PPM1M: variants seen among roughly 807,000 people sequenced by gnomAD.
PPM1M encodes protein phosphatase 1M.
In PPM1M, 44 loss-of-function variants were observed where a neutral mutation model predicts 50.8. The observed-to-expected ratio is 0.87, with a 90% CI of 0.68 to 1.11. The LOEUF (loss-of-function observed/expected upper bound fraction) is 1.11, where lower values mean the gene tolerates loss of function less well. PPM1M is among the 50% of genes most tolerant of loss of function. The pLI, the probability that PPM1M is intolerant of heterozygous loss-of-function variation, is 0.00. For synonymous variants in PPM1M, 224 were observed against 242.9 expected, an observed-to-expected ratio of 0.92 and a Z score of 0.72; for missense variants, 556 against 593.4, an observed-to-expected ratio of 0.94 and a Z score of 0.66.
At position 52,250,326 on chromosome 3, in the gene PPM1M, C is replaced by T. The variant is rs1559449646; in HGVS notation, c.*512C>T. On this transcript the variant is annotated 3_prime_UTR_variant, in exon 10 of 10. Transcript: ENST00000323588. ...TAAAACAGCCATCTTCAAGACAGCC[C>T]CTGAAAAGAGACCAGTTCAGGTCCT... is the stretch of plus-strand genomic sequence containing the variant. 2 of 161,426 alleles carry T rather than the reference C, an allele frequency of 1.2e-5. No homozygotes were observed. The highest frequency in any genetic ancestry group is 3.3e-4 in the South Asian group (2 of 6,002). The allele number at this position is 161,426 out of a possible 1,614,324, so 10.0% of individuals were successfully genotyped here.
rs148787366 is a variant in PPM1M at position 52,249,339 on chromosome 3, G to T, written c.1235+17G>T. ...CCCACACAGGTACTGTAGCTGCTGG[G>T]GACCTGCCTGGGCCTGGGTTGGTGC... On this transcript the variant is annotated intron_variant, in intron 9 of 9. Transcript: ENST00000323588. The T allele has an allele frequency of 6.3e-7, 1 of 1,579,538 alleles. No individual in the cohort carries two copies. The highest frequency in any genetic ancestry group is 1.2e-5 in the South Asian group (1 of 86,872).
chr3:52,248,071 T>G (rs1699891770), intron 4 of PPM1M, 82 bp from the exon 5 acceptor site: 3 of 1,192,768 alleles, frequency 2.5e-6, no homozygotes, highest in Non-Finnish European at 2.4e-6. Flanking sequence ...TCCTGGTGGT[T>G]GGAGGAGGGA....
rs1308443728 is a variant in PPM1M, at chr3:52,249,804, GTGACCAC to G, written c.1374_1380del (p.Asp458GlufsTer34). The G allele has an allele frequency of 6.2e-7, 1 of 1,613,074 alleles. No homozygotes were observed. The highest frequency in any genetic ancestry group is 1.3e-5 in the African/African-American group (1 of 75,024). On this transcript the variant is annotated frameshift_variant, in exon 10 of 10. Coordinates refer to ENST00000323588, the MANE Select transcript of PPM1M (RefSeq NM_144641.4). LOFTEE classifies it high-confidence loss of function. The stretch of plus-strand genomic sequence containing the variant: ...TTGCACAGTCAGGGCCAAGAGAGCA[GTGACCAC>G]TGAGGATTCAGACACTGTATCCCAG...
In PPM1M at chr3:52,245,957, G is replaced by A. The variant is rs747199058; in HGVS notation, c.133G>A (p.Gly45Arg). ...RFLRGSSSSP[G>R]AADASRRPDS... is the part of the protein sequence containing the mutation. ...CCTTCGCGGCTCCAGCTCCAGCCCC[G>A]GGGCGGCCGACGCCTCGCGCCGCCC... The change falls in exon 1 of 10, where the codon GGG becomes AGG. Residue 45 changes from glycine (G) to arginine (R), a missense_variant. Coordinates refer to ENST00000323588, the MANE Select transcript of PPM1M (RefSeq NM_144641.4). The surrounding 1 kb of genome is among the most constrained non-coding windows in gnomAD (Gnocchi z 4.8). The A allele has an allele frequency of 2.4e-6, 3 of 1,247,686 alleles. No homozygotes were observed. Among genetic ancestry groups the A allele is most frequent in the South Asian group, 1.3e-5 (1 of 76,124 alleles). 77.3% of individuals were successfully genotyped at this position (1,247,686 alleles called of 1,614,324 possible). A position where few individuals can be genotyped will look rare whatever the true frequency, so the allele number is the denominator to read the frequency against.
intron 6 of PPM1M, 50 bp downstream of exon 6, chr3:52,248,503 C>T: frequency 6.3e-7 from 1 of 1,596,158 alleles, no homozygotes; most frequent in African/African-American, 1.3e-5. Flanking sequence ...GGGATCCAGG[C>T]CCAGCCGTAT....
At position 52,250,298 on chromosome 3, in the gene PPM1M, T is replaced by C. The variant is rs1182309257; in HGVS notation, c.*484T>C. On this transcript the variant is annotated 3_prime_UTR_variant, in exon 10 of 10. Transcript: ENST00000323588. Reference sequence around the variant, plus strand: ...AGAAACCTTTGGGCAGCCTCATGTCTGCTAAAACAGCCATCTTCAAGACAG... The same window carrying C: ...AGAAACCTTTGGGCAGCCTCATGTCCGCTAAAACAGCCATCTTCAAGACAG... The C allele has an allele frequency of 6.1e-6, 1 of 163,806 alleles. No individual in the cohort carries two copies. Among genetic ancestry groups the C allele is most frequent in the Non-Finnish European group, 1.4e-5 (1 of 73,516 alleles). 10.1% of individuals were successfully genotyped at this position (163,806 alleles called of 1,614,324 possible).
In PPM1M at chr3:52,246,779, T is replaced by G. The variant is rs976204638; in HGVS notation, c.309T>G (p.Ala103=). The change falls in exon 2 of 10, where the codon GCT becomes GCG. Residue 103 remains alanine (A), a synonymous_variant. Coordinates refer to ENST00000323588, the MANE Select transcript of PPM1M (RefSeq NM_144641.4). ...GCATCCGGAGATGTGAGTTTGGGGC[T>G]GAAGAAGAGTGGCTGACCCTGTGCC... ...KLCIRRCEFG[A]EEEWLTLCPE... 2.2e-6 allele frequency: 3 copies of G among 1,363,338 alleles called. No individual in the cohort carries two copies. The highest frequency in any genetic ancestry group is 2.9e-6 in the Non-Finnish European group (3 of 1,027,878). The allele number at this position is 1,363,338 out of a possible 1,614,324, so 84.5% of individuals were successfully genotyped here.
At chr3:52,249,102 C>T (rs1699916727) in intron 8 of PPM1M, 39 bp downstream of exon 8, 1 of 1,608,680 alleles carries the variant, frequency 6.2e-7, no homozygotes, top group African/African-American at 1.3e-5. Flanking sequence ...TTCCATCTGC[C>T]CAGAAAGGCA....
rs1171943302 is a variant in PPM1M at position 52,247,671 on chromosome 3, GTT to G, written c.598-8_598-7del. The G allele has an allele frequency of 1.3e-6, 2 of 1,579,174 alleles. No individual in the cohort carries two copies. Among genetic ancestry groups the G allele is most frequent in the Non-Finnish European group, 1.7e-6 (2 of 1,158,950 alleles). Reference sequence around the variant, plus strand: ...ACAGGCAGCAGCTAAGGTGGCCTCGGTTTTCCCCAGGATGAGGTGATCGGGCG... The same window carrying G: ...ACAGGCAGCAGCTAAGGTGGCCTCGGTTCCCCAGGATGAGGTGATCGGGCG... On this transcript the variant is annotated splice_polypyrimidine_tract_variant and intron_variant, in intron 3 of 9. Transcript: ENST00000323588.
Position 52,248,359 on chromosome 3 carries a change from G to A in PPM1M, c.820G>A (p.Ala274Thr), listed in dbSNP as rs1282654449. 2 of 1,613,280 alleles carry A rather than the reference G, an allele frequency of 1.2e-6. No individual in the cohort carries two copies. The highest frequency in any genetic ancestry group is 2.2e-5 in the South Asian group (2 of 90,956). Reference sequence around the variant, plus strand: ...GGCCTTTGTCTATCCTGAGCTTCTGGCTGGTGAGTTCACCCGACTGGAGTT... The same window carrying A: ...GGCCTTTGTCTATCCTGAGCTTCTGACTGGTGAGTTCACCCGACTGGAGTT... ...QLAFVYPELL[A>T]GEFTRLEFPR... The change falls in exon 6 of 10, where the codon GCT becomes ACT. Residue 274 changes from alanine (A) to threonine (T), a missense_variant. By Grantham distance (58) the Ala-to-Thr change is moderately conservative. Coordinates refer to ENST00000323588, the MANE Select transcript of PPM1M (RefSeq NM_144641.4).
At position 52,248,960 on chromosome 3, in the gene PPM1M, G is replaced by T. The variant is rs562217803; in HGVS notation, c.983G>T (p.Arg328Leu). The T allele has an allele frequency of 6.2e-7, 1 of 1,603,880 alleles. No homozygotes were observed. The highest frequency in any genetic ancestry group is 8.5e-7 in the Non-Finnish European group (1 of 1,175,092). ...PLIHGQGRQARLLGTLAVSRG... is the reference protein window; with the variant it reads ...PLIHGQGRQALLLGTLAVSRG... Reference sequence around the variant, plus strand: ...TCACACCTCACTTTCCCTCAGGCTCGGTTACTAGGAACACTGGCTGTCTCC... The same window carrying T: ...TCACACCTCACTTTCCCTCAGGCTCTGTTACTAGGAACACTGGCTGTCTCC... The change falls in exon 8 of 10, where the codon CGG (arginine) becomes CTG (leucine). Residue 328 changes from arginine to leucine, a missense_variant. By Grantham distance (102) the Arg-to-Leu change is moderately radical (BLOSUM62 -2). Coordinates refer to ENST00000323588, the MANE Select transcript of PPM1M (RefSeq NM_144641.4).
chr3:52,246,212 G>C, intron 1 of PPM1M, 164 bp downstream of exon 1: 1 of 1,009,512 alleles, frequency 9.9e-7, no homozygotes, highest in Non-Finnish European at 1.2e-6. Context: ...CGGTCATCCC[G>C]ACCCAGCGTT....
At position 52,250,124 on chromosome 3, in the gene PPM1M, G is replaced by A; in HGVS notation, c.*310G>A. On this transcript the variant is annotated 3_prime_UTR_variant, in exon 10 of 10. Transcript: ENST00000323588. ...CAGACAGGATCTTGAACAGCCCAAAGTATCATTCTCAGATAGGGGCACCCA... is the reference window on the plus strand; with the variant it reads ...CAGACAGGATCTTGAACAGCCCAAAATATCATTCTCAGATAGGGGCACCCA... 1 of 297,770 alleles carries A rather than the reference G, an allele frequency of 3.4e-6. No homozygotes were observed. The highest frequency in any genetic ancestry group is 5.4e-5 in the East Asian group (1 of 18,404). 18.4% of individuals were successfully genotyped at this position (297,770 alleles called of 1,614,324 possible). A position where few individuals can be genotyped will look rare whatever the true frequency, so the allele number is the denominator to read the frequency against.
intron 3 of PPM1M, 188 bp from the exon 4 acceptor site, chr3:52,247,494 C>G (rs1317328535): frequency 2.3e-5 from 15 of 660,112 alleles, no homozygotes; most frequent in Non-Finnish European, 2.9e-5. Context: ...GTTTCTCTTC[C>G]TATTTTGAGT....
At position 52,250,251 on chromosome 3, in the gene PPM1M, A is replaced by G. The variant is rs1290313306; in HGVS notation, c.*437A>G. 2.3e-5 allele frequency: 4 copies of G among 173,254 alleles called. No homozygotes were observed. Among genetic ancestry groups the G allele is most frequent in the Admixed American group, 1.6e-4 (3 of 18,286 alleles). 10.7% of individuals were successfully genotyped at this position (173,254 alleles called of 1,614,324 possible). On this transcript the variant is annotated 3_prime_UTR_variant, in exon 10 of 10. Coordinates refer to ENST00000323588, the MANE Select transcript of PPM1M (RefSeq NM_144641.4). ...TCAGGGCATGTGTTCAACAACCCCC[A>G]AAGTCCACGCAGGTGGCTTGTAGAA... is the stretch of plus-strand genomic sequence containing the variant.
chr3:52,249,969 CAT>C lies in PPM1M; in HGVS notation c.*156_*157del, dbSNP rs1184366832. 3.0e-6 allele frequency: 2 copies of C among 671,770 alleles called. No individual in the cohort carries two copies. The highest frequency in any genetic ancestry group is 5.1e-6 in the Non-Finnish European group (2 of 395,108). The allele number at this position is 671,770 out of a possible 1,614,324, so 41.6% of individuals were successfully genotyped here. On this transcript the variant is annotated 3_prime_UTR_variant, in exon 10 of 10. Transcript: ENST00000323588. ...CAACACACATCCATCTCAAGAGGAA[CAT>C]TTATACCAGGCAGTCAGAGCTGGAA...
chr3:52,246,385 T>G, intron 1 of PPM1M: 1 of 1,056,770 alleles, frequency 9.5e-7, no homozygotes, highest in Non-Finnish European at 1.2e-6. Context: ...ACCCTGGGTA[T>G]GACCTGCGCT....
intron 9 of PPM1M, 150 bp downstream of exon 9, chr3:52,249,472 C>G (rs1304361734): frequency 1.6e-6 from 2 of 1,253,554 alleles, no homozygotes; most frequent in Non-Finnish European, 2.2e-6. Context: ...GGCAGGGAGA[C>G]CGTGGGTTCC....
chr3:52,246,530 A>G, intron 1 of PPM1M, 165 bp from the exon 2 acceptor site: 1 of 486,540 alleles, frequency 2.1e-6, no homozygotes, highest in Non-Finnish European at 3.4e-6. Context: ...GAGGCCAGTG[A>G]AGTTAGGAAG....
Sources: gnomAD v4.1 joint callset for allele counts on GRCh38, gnomAD v4.1.1 for gene constraint, Gnocchi (gnomAD v3.1) non-coding constraint, MANE v1.5 for transcripts, NCBI Gene and HGNC (gene_info 2026-07-23, HGNC 2026-07-21) for gene names.